Variants in UACA observed in about 807,000 individuals in gnomAD.
UACA encodes uveal autoantigen with coiled-coil domains and ankyrin repeats, also known as nuclear membrane binding protein.
A neutral mutation model predicts 160.5 loss-of-function variants in UACA; 112 were observed. The ratio of observed to expected loss-of-function variants is 0.70; its 90% CI spans 0.60 to 0.82. The LOEUF is 0.82. Among genes scored for constraint, UACA ranks in the 40% least tolerant of loss-of-function variants. The pLI, the probability that UACA is intolerant of heterozygous loss-of-function variation, is 0.00. For synonymous variants in UACA, 557 were observed against 568.4 expected, an observed-to-expected ratio of 0.98 and a Z score of 0.29; for missense variants, 1,574 against 1,614.6, an observed-to-expected ratio of 0.97 and a Z score of 0.43.
chr15:70,769,953 C>T, the UACA span, among the ~76,000 whole-genome samples: 8 of 152,226 alleles, frequency 5.3e-5, no homozygotes, highest in Non-Finnish European at 4.4e-5. Flanking sequence ...GCAGAGATTG[C>T]GCCATTGCAC....
At chr15:70,703,442 G>T (rs915871609) in intron 1 of UACA, among the ~76,000 whole-genome samples, 52 of 151,958 alleles carry the variant, frequency 3.4e-4, no homozygotes, top group African/African-American at 1.2e-3. Flanking sequence ...ATATATAAGG[G>T]TCATATACCA....
chr15:70,775,838 G>C, the UACA span, among the ~76,000 whole-genome samples: 2 of 152,268 alleles, frequency 1.3e-5, no homozygotes, highest in Admixed American at 1.3e-4. Context: ...TTTGATAAGT[G>C]ACTGAGTTTT....
the UACA span, among the ~76,000 whole-genome samples, chr15:70,776,983 G>A: frequency 6.6e-6 from 1 of 152,206 alleles, no homozygotes; most frequent in East Asian, 1.9e-4. Context: ...TGCCTAGCAG[G>A]GTATCATAAG....
upstream of UACA, among the ~76,000 whole-genome samples, chr15:70,764,264 G>A (rs1283171820): frequency 6.6e-6 from 1 of 152,204 alleles, no homozygotes; most frequent in African/African-American, 2.4e-5. Context: ...CCCACAGCCA[G>A]TGATTTAAGT....
chr15:70,664,660 A>C lies in UACA; in HGVS notation c.4113+2T>G, dbSNP rs769571751. On this transcript the variant is annotated splice_donor_variant, in intron 17 of 18. Transcript: ENST00000322954. LOFTEE classifies it high-confidence loss of function. ...CAAAGCCCCGTGTGCCTGGTTACTC[A>C]CGGCCAGCTGTTGCTCCAGAGATTT... 3.7e-6 allele frequency: 6 copies of C among 1,607,518 alleles called. No individual in the cohort carries two copies. The highest frequency in any genetic ancestry group is 1.7e-6 in the Non-Finnish European group (2 of 1,177,168).
chr15:70,703,465 G>A (rs1041153514), intron 1 of UACA, among the ~76,000 whole-genome samples: 1 of 151,950 alleles, frequency 6.6e-6, no homozygotes, highest in Admixed American at 6.6e-5. Context: ...TCTCATTTTT[G>A]AAACAATGAT....
At position 70,669,095 on chromosome 15, in the gene UACA, T is replaced by C. The variant is rs1381510765; in HGVS notation, c.1589A>G (p.Glu530Gly). The stretch of plus-strand genomic sequence containing the variant: ...TAGTCTGTGATTCCCTGAGGCTGCT[T>C]CACTTGTTAAGTGTTCTTTAAGGGC... ...FLALKEHLTSEAASGNHRLTE... is the reference protein window; with the variant it reads ...FLALKEHLTSGAASGNHRLTE... Residue 530 changes from glutamate to glycine, a missense_variant, in exon 16 of 19, where the codon GAA (glutamate) becomes GGA (glycine). Physicochemically the swap from Glu to Gly is moderately conservative, Grantham distance 98. Coordinates refer to ENST00000322954, the MANE Select transcript of UACA (RefSeq NM_018003.4). 35 of 1,614,016 alleles carry C rather than the reference T, an allele frequency of 2.2e-5. No homozygotes were observed. Among genetic ancestry groups the C allele is most frequent in the Non-Finnish European group, 2.9e-5 (34 of 1,180,020 alleles).
chr15:70,772,415 C>A, the UACA span, among the ~76,000 whole-genome samples: 2 of 150,088 alleles, frequency 1.3e-5, no homozygotes, highest in African/African-American at 4.9e-5. Flanking sequence ...ATGGCATGAA[C>A]CCAGGAGGCG....
At chr15:70,753,183 A>T (rs1478766750) in intron 1 of UACA, among the ~76,000 whole-genome samples, 1 of 152,248 alleles carries the variant, frequency 6.6e-6, no homozygotes, top group Admixed American at 6.5e-5. Flanking sequence ...AAAAATGGTC[A>T]AAGAAAATGA....
At chr15:70,749,722 G>T (rs1244306106) in intron 1 of UACA, among the ~76,000 whole-genome samples, 2 of 129,000 alleles carry the variant, frequency 1.6e-5, no homozygotes, top group African/African-American at 6.1e-5. Context: ...AAAAAAAAAA[G>T]TTGGAGAAAA....
At chr15:70,724,129 G>A (rs1032734395) in intron 1 of UACA, among the ~76,000 whole-genome samples, 12 of 152,150 alleles carry the variant, frequency 7.9e-5, no homozygotes, top group Non-Finnish European at 1.2e-4. Flanking sequence ...GTACATGTTC[G>A]AGCTTAGCAC....
chr15:70,668,394 GATC>G lies in UACA; in HGVS notation c.2287_2289del (p.Asp763del), dbSNP rs886129812. On this transcript the variant is annotated inframe_deletion, in exon 16 of 19. Transcript: ENST00000322954. ...GTTACATCTAAAAGCTTTCTATTAA[GATC>G]ATCAATAATTGCATCATGTGACTTT... is the stretch of plus-strand genomic sequence containing the variant. The G allele has an allele frequency of 2.5e-6, 4 of 1,609,570 alleles. No individual in the cohort carries two copies. Among genetic ancestry groups the G allele is most frequent in the Non-Finnish European group, 3.4e-6 (4 of 1,179,158 alleles).
chr15:70,748,870 T>C (rs1899792731), intron 1 of UACA: 1 of 152,494 alleles, frequency 6.6e-6, no homozygotes, highest in African/African-American at 2.4e-5. Flanking sequence ...ATCAAGATAA[T>C]GCATTAATAT....
At chr15:70,679,550 C>T (rs942464697) in intron 10 of UACA, 58 bp downstream of exon 10, 8 of 1,169,286 alleles carry the variant, frequency 6.8e-6, no homozygotes, top group African/African-American at 3.1e-5. Flanking sequence ...TCTCTCAATC[C>T]CACTACAAAT....
chr15:70,744,884 C>T (rs1899653903), intron 1 of UACA, among the ~76,000 whole-genome samples: 1 of 152,030 alleles, frequency 6.6e-6, no homozygotes, highest in Non-Finnish European at 1.5e-5. Flanking sequence ...ATGAGTGATA[C>T]CATAGAATGA....
intron 1 of UACA, among the ~76,000 whole-genome samples, chr15:70,717,815 C>A (rs950190617): frequency 2.0e-5 from 3 of 152,118 alleles, no homozygotes; most frequent in African/African-American, 7.2e-5. Flanking sequence ...ATGTGATTAA[C>A]ATCTATAATC....
chr15:70,667,130 G>T lies in UACA; in HGVS notation c.3554C>A (p.Ala1185Asp). ...AFEKEVGIIK[A>D]SLREKEEESQ... ...TTCTTCTTCCTTTTCTCTCAAGCTG[G>T]CTTTTATGATTCCAACTTCTTTCTC... The change falls in exon 16 of 19, where the codon GCC (alanine) becomes GAC (aspartate). Residue 1185 changes from alanine (A) to aspartate (D), a missense_variant. Ala to Asp is a moderately radical substitution (Grantham distance 126). Coordinates refer to ENST00000322954, the MANE Select transcript of UACA (RefSeq NM_018003.4). The T allele has an allele frequency of 6.2e-7, 1 of 1,613,364 alleles. No homozygotes were observed. Among genetic ancestry groups the T allele is most frequent in the Non-Finnish European group, 8.5e-7 (1 of 1,179,908 alleles).
the UACA span, among the ~76,000 whole-genome samples, chr15:70,768,695 T>A: frequency 6.6e-6 from 1 of 152,204 alleles, no homozygotes; most frequent in East Asian, 1.9e-4. Flanking sequence ...TAGTAAACTT[T>A]CCTGGACCTT....
intron 1 of UACA, among the ~76,000 whole-genome samples, chr15:70,744,986 A>T (rs780649567): frequency 2.6e-5 from 4 of 152,140 alleles, no homozygotes; most frequent in Admixed American, 6.5e-5. Flanking sequence ...CTTACAAAAC[A>T]CTCTTAAGTC....
Sources: allele counts gnomAD v4.1 joint callset (sites outside exome capture counted in the v4.1 genomes callset), GRCh38; gene constraint gnomAD v4.1.1; transcripts MANE v1.5; gene names NCBI Gene and HGNC (gene_info 2026-07-23, HGNC 2026-07-21).